Variants in SLC2A9 observed in about 807,000 individuals in gnomAD.
SLC2A9 encodes the protein solute carrier family 2, facilitated glucose transporter member 9.
Under a neutral mutation model 50.6 loss-of-function variants are expected in SLC2A9, and 39 were observed. The ratio of observed to expected loss-of-function variants is 0.77; its 90% CI spans 0.60 to 1.01. The LOEUF (loss-of-function observed/expected upper bound fraction) is 1.01, where lower values mean the gene tolerates loss of function less well. SLC2A9 is among the 50% of genes least tolerant of loss of function. SLC2A9 has a pLI of 0.00. For synonymous variants in SLC2A9, 324 were observed against 276.9 expected, an observed-to-expected ratio of 1.17 and a Z score of -1.69; for missense variants, 686 against 677.6, an observed-to-expected ratio of 1.01 and a Z score of -0.14.
At chr4:9,911,654 C>A (rs535129214) in intron 7 of SLC2A9, among the ~76,000 whole-genome samples, 1 of 152,326 alleles carries the variant, frequency 6.6e-6, no homozygotes, top group East Asian at 1.9e-4. Flanking sequence ...CTCTCATGAC[C>A]TGCGTGACCG....
intron 6 of SLC2A9, among the ~76,000 whole-genome samples, chr4:9,932,728 C>T (rs1284297870): frequency 6.6e-6 from 1 of 152,190 alleles, no homozygotes; most frequent in Non-Finnish European, 1.5e-5. Context: ...GTTGCATTTG[C>T]CCTATTGGGA....
At chr4:9,860,786 C>T (rs1731490507) in intron 10 of SLC2A9, among the ~76,000 whole-genome samples, 2 of 152,240 alleles carry the variant, frequency 1.3e-5, no homozygotes, top group African/African-American at 4.8e-5. Context: ...GATATCACAA[C>T]CCCGGGAAGT....
chr4:9,943,142 C>T, intron 5 of SLC2A9, among the ~76,000 whole-genome samples: 1 of 152,170 alleles, frequency 6.6e-6, no homozygotes, highest in Non-Finnish European at 1.5e-5. Flanking sequence ...CCAAGACTCG[C>T]TCCCTACTGA....
intron 6 of SLC2A9, among the ~76,000 whole-genome samples, chr4:9,928,432 T>C (rs553051716): frequency 4.6e-5 from 7 of 152,310 alleles, no homozygotes; most frequent in African/African-American, 1.7e-4. Context: ...AGATCACCAA[T>C]AAAAACTCTT....
intron 10 of SLC2A9, among the ~76,000 whole-genome samples, chr4:9,854,713 A>G (rs1385142406): frequency 6.6e-6 from 1 of 152,212 alleles, no homozygotes; most frequent in African/African-American, 2.4e-5. Flanking sequence ...AAAATCCTCA[A>G]CAAAATCCTA....
intron 10 of SLC2A9, among the ~76,000 whole-genome samples, chr4:9,886,626 G>C (rs1276491582): frequency 6.6e-6 from 1 of 152,034 alleles, no homozygotes; most frequent in African/African-American, 2.4e-5. Context: ...TGGCTTACGA[G>C]AATCAGCAAC....
chr4:9,804,060 C>T (rs1721814143), intron 3 of SLC2A9, among the ~76,000 whole-genome samples: 1 of 152,052 alleles, frequency 6.6e-6, no homozygotes, highest in Admixed American at 6.6e-5. Flanking sequence ...GGTGTTTTAC[C>T]CATGCATGTT....
chr4:10,012,879 G>A (rs1323919748), intron 2 of SLC2A9, among the ~76,000 whole-genome samples: 2 of 152,300 alleles, frequency 1.3e-5, no homozygotes, highest in Admixed American at 6.5e-5. Context: ...CCCAGGTACC[G>A]TGTAAGTCAC....
At chr4:9,969,952 G>A (rs1421224758) in intron 5 of SLC2A9, among the ~76,000 whole-genome samples, 1 of 152,088 alleles carries the variant, frequency 6.6e-6, no homozygotes, top group South Asian at 2.1e-4. Flanking sequence ...AGTGTGTAGA[G>A]ACTCACGCTA....
chr4:9,863,414 C>T lies in SLC2A9; in HGVS notation c.1291+24153G>A, dbSNP rs984548068. ...CTTCTGCTTCAGCCTCCCAAAGTAT[C>T]GGAGCCACTGTGCCCAGCTAAAATC... On this transcript the variant is annotated intron_variant, in intron 10 of 11. Transcript: ENST00000264784. Among the ~76,000 whole-genome samples, 32 of 151,948 alleles carry T rather than the reference C, an allele frequency of 2.1e-4. 1 individual carries two copies. Among genetic ancestry groups the T allele is most frequent in the Non-Finnish European group, 4.4e-5 (3 of 68,022 alleles).
intron 6 of SLC2A9, among the ~76,000 whole-genome samples, chr4:9,925,897 G>A (rs949222473): frequency 2.0e-5 from 3 of 152,154 alleles, no homozygotes; most frequent in Non-Finnish European, 2.9e-5. Flanking sequence ...ACTGTTCCGG[G>A]CATGGTGTGA....
chr4:9,925,816 G>A (rs1935289652), intron 6 of SLC2A9, among the ~76,000 whole-genome samples: 1 of 152,192 alleles, frequency 6.6e-6, no homozygotes, highest in Non-Finnish European at 1.5e-5. Flanking sequence ...AACAGGAACA[G>A]AGGAAAATTA....
At chr4:10,023,949 C>A (rs757074022), upstream of SLC2A9, among the ~76,000 whole-genome samples, 6 of 152,178 alleles carry the variant, frequency 3.9e-5, no homozygotes, top group Non-Finnish European at 8.8e-5. Context: ...GACAAACATC[C>A]CCAGATGTTC....
At chr4:10,014,328 C>G (rs3796831) in intron 2 of SLC2A9, among the ~76,000 whole-genome samples, 9,755 of 152,296 alleles carry the variant, frequency 0.064, 645 homozygotes, top group East Asian at 0.39. Flanking sequence ...TACAGAGGCA[C>G]CTACATGGTG....
At chr4:10,029,102 G>C (rs1467653041) in intron 1 of SLC2A9, 2 of 152,300 alleles carry the variant, frequency 1.3e-5, no homozygotes, top group Admixed American at 1.3e-4. Flanking sequence ...CATCTGCCCA[G>C]TCTCCTCTAT....
intron 7 of SLC2A9, among the ~76,000 whole-genome samples, chr4:9,917,491 C>G (rs1050855575): frequency 6.6e-6 from 1 of 151,774 alleles, no homozygotes; most frequent in Non-Finnish European, 1.5e-5. Context: ...TGCCACCATG[C>G]CTGGCTAATT....
chr4:9,979,483 G>T (rs981476849), intron 5 of SLC2A9, among the ~76,000 whole-genome samples: 2 of 152,160 alleles, frequency 1.3e-5, no homozygotes, highest in African/African-American at 4.8e-5. Flanking sequence ...CTGTGTGAGT[G>T]GGAAGGCAGC....
At position 9,908,218 on chromosome 4, in the gene SLC2A9, A is replaced by ACC; in HGVS notation, c.1113+15_1113+16dup. 1 of 1,560,762 alleles carries ACC rather than the reference A, an allele frequency of 6.4e-7. No homozygotes were observed. The highest frequency in any genetic ancestry group is 8.8e-7 in the Non-Finnish European group (1 of 1,131,056). The stretch of plus-strand genomic sequence containing the variant: ...ACCCCCTGTGGCATTCTCAGGAGTA[A>ACC]CCCTCAGTTGACTTACAGAGAAGAC... On this transcript the variant is annotated intron_variant, in intron 8 of 11. Coordinates refer to ENST00000264784, the MANE Select transcript of SLC2A9 (RefSeq NM_020041.3).
At chr4:9,772,956 A>T (rs1717041826) in intron 1 of SLC2A9, among the ~76,000 whole-genome samples, 1 of 152,104 alleles carries the variant, frequency 6.6e-6, no homozygotes, top group South Asian at 2.1e-4. Context: ...GAGGCAACTG[A>T]GGCTTAGAGA....
Sources: gnomAD v4.1 joint callset for allele counts (sites outside exome capture counted in the v4.1 genomes callset) on GRCh38, gnomAD v4.1.1 for gene constraint, MANE v1.5 for transcripts, NCBI Gene and HGNC (gene_info 2026-07-23, HGNC 2026-07-21) for gene names.